Variants in PHF6 observed in about 807,000 individuals in gnomAD.
PHF6 encodes PHD-like zinc finger protein.
A neutral mutation model predicts 34.0 loss-of-function variants in PHF6; 7 were observed. The ratio of observed to expected loss-of-function variants is 0.21; its 90% CI spans 0.12 to 0.39. PHF6 has a LOEUF of 0.39. Ranked by LOEUF, PHF6 falls within the 10% of genes least tolerant of loss-of-function variation. PHF6 has a pLI of 1.00. For synonymous variants in PHF6, 89 were observed against 88.4 expected, an observed-to-expected ratio of 1.01 and a Z score of -0.04; for missense variants, 128 against 262.8, an observed-to-expected ratio of 0.49 and a Z score of 3.55.
chrX:134,379,625 A>G (rs1047237119), intron 3 of PHF6, among the ~76,000 whole-genome samples: 8 of 108,375 alleles, frequency 7.4e-5, no homozygotes, highest in African/African-American at 2.7e-4. Flanking sequence ...TATTTTTAGT[A>G]GACACGGTGT....
chrX:134,393,425 A>G, intron 3 of PHF6, 76 bp from the exon 4 acceptor site: 2 of 1,070,428 alleles, frequency 1.9e-6, no homozygotes, highest in Non-Finnish European at 2.5e-6. Context: ...CTTGACAGAA[A>G]TTGATATGCC....
Position 134,427,469 on chromosome X carries a change from T to G in PHF6, c.*1809T>G, listed in dbSNP as rs1406182222. On this transcript the variant is annotated 3_prime_UTR_variant, in exon 11 of 11. Coordinates refer to ENST00000370803, the MANE Select transcript of PHF6 (RefSeq NM_001015877.2). ...CCATGGGACAACAGAGCTCCTTCATTTTTGGACAACTACTGTAATCATTTT... is the reference window on the plus strand; with the variant it reads ...CCATGGGACAACAGAGCTCCTTCATGTTTGGACAACTACTGTAATCATTTT... 6.3e-6 allele frequency: 1 copy of G among 159,078 alleles called. No homozygotes were observed. Among genetic ancestry groups the G allele is most frequent in the Non-Finnish European group, 1.2e-5 (1 of 82,002 alleles). 13.1% of individuals were successfully genotyped at this position (159,078 alleles called of 1,213,427 possible).
intron 5 of PHF6, among the ~76,000 whole-genome samples, chrX:134,394,278 C>T (rs1569338604): frequency 9.1e-6 from 1 of 109,544 alleles, no homozygotes. Context: ...GGATTACAGA[C>T]GTGCACTGCA....
chrX:134,379,432 C>CTTTTTTTTTTTT (rs34099570), intron 3 of PHF6, among the ~76,000 whole-genome samples: 3 of 26,274 alleles, frequency 1.1e-4, no homozygotes, highest in African/African-American at 2.0e-4. Flanking sequence ...CTTTTCTTTT[C>CTTTTTTTTTTTT]TTTTTTTTTT....
At position 134,378,076 on chromosome X, in the gene PHF6, C is replaced by A. The variant is rs1328440396; in HGVS notation, c.210C>A (p.Val70=). 8.3e-7 allele frequency: 1 copy of A among 1,200,010 alleles called. No individual in the cohort carries two copies. The highest frequency in any genetic ancestry group is 1.1e-6 in the Non-Finnish European group (1 of 887,796). Residue 70 remains valine, a synonymous_variant, in exon 3 of 11, where the codon GTC becomes GTA. Coordinates refer to ENST00000370803, the MANE Select transcript of PHF6 (RefSeq NM_001015877.2). ...ESLGGFSIED[V]QKEIKRGTKL... Reference sequence around the variant, plus strand: ...TTGGTGGATTTTCTATTGAAGATGTCCAAAAGGAAATTAAAAGAGGCACGA... The same window carrying A: ...TTGGTGGATTTTCTATTGAAGATGTACAAAAGGAAATTAAAAGAGGCACGA...
chrX:134,406,870 C>T (rs1375182239), intron 5 of PHF6, among the ~76,000 whole-genome samples: 2 of 112,075 alleles, frequency 1.8e-5, no homozygotes, highest in South Asian at 3.7e-4. Flanking sequence ...TCCTGTCACC[C>T]GTGCCCTTGT....
At position 134,380,028 on chromosome X, in the gene PHF6, G is replaced by A. The variant is rs186590330; in HGVS notation, c.240+1922G>A. Among the ~76,000 whole-genome samples the A allele has an allele frequency of 2.7e-5, 3 of 111,637 alleles. No individual in the cohort carries two copies. In the East Asian group the frequency reaches 8.4e-4, roughly 31 times the overall value. ...AGCTTGTATAGTCAGAACAAAAGCAGTTTTGGTCCCTAATGTTGAAACATT... is the reference window on the plus strand; with the variant it reads ...AGCTTGTATAGTCAGAACAAAAGCAATTTTGGTCCCTAATGTTGAAACATT... On this transcript the variant is annotated intron_variant, in intron 3 of 10. Transcript: ENST00000370803.
At chrX:134,388,949 ACT>A (rs1218159584) in intron 3 of PHF6, among the ~76,000 whole-genome samples, 2 of 110,448 alleles carry the variant, frequency 1.8e-5, no homozygotes, top group Non-Finnish European at 3.8e-5. Context: ...GCTCCTTGAG[ACT>A]CTGCTTATGT....
chrX:134,414,967 C>T (rs1222459663), intron 7 of PHF6, 49 bp from the exon 8 acceptor site: 10 of 986,168 alleles, frequency 1.0e-5, no homozygotes, highest in Non-Finnish European at 1.4e-5. Context: ...TTTAATGTTT[C>T]TCTCATAAGG....
intron 9 of PHF6, chrX:134,418,879 G>A (rs1465007970): frequency 1.0e-5 from 1 of 98,251 alleles, no homozygotes; most frequent in Non-Finnish European, 2.0e-5. Flanking sequence ...ATCTGACTCT[G>A]TTGTCCAGGC....
chrX:134,405,354 A>C (rs1178398039), intron 5 of PHF6, among the ~76,000 whole-genome samples: 1 of 111,076 alleles, frequency 9.0e-6, no homozygotes, highest in Non-Finnish European at 1.9e-5. Context: ...GCCTGCCACC[A>C]CGCCCAGATA....
rs1309705573 is a variant in PHF6, at chrX:134,427,804, G to A, written c.*2144G>A. On this transcript the variant is annotated 3_prime_UTR_variant, in exon 11 of 11. Transcript: ENST00000370803. Reference sequence around the variant, plus strand: ...TCATGTTTGGTTGTAAACCTCCAATGTTTTGATTCTCTAATCATGTTTTCG... The same window carrying A: ...TCATGTTTGGTTGTAAACCTCCAATATTTTGATTCTCTAATCATGTTTTCG... The A allele has an allele frequency of 1.9e-5, 3 of 158,511 alleles. No individual in the cohort carries two copies. The highest frequency in any genetic ancestry group is 8.3e-5 in the Admixed American group (1 of 11,988). The allele number at this position is 158,511 out of a possible 1,213,427, so 13.1% of individuals were successfully genotyped here. A position where few individuals can be genotyped will look rare whatever the true frequency, so the allele number is the denominator to read the frequency against.
At chrX:134,404,167 A>G (rs1385243673) in intron 5 of PHF6, among the ~76,000 whole-genome samples, 2 of 112,494 alleles carry the variant, frequency 1.8e-5, no homozygotes, top group Admixed American at 1.9e-4. Context: ...ACCTTCTGGA[A>G]CGGATTCATA....
At chrX:134,420,661 C>T (rs7054188) in intron 9 of PHF6, among the ~76,000 whole-genome samples, 16,192 of 110,297 alleles carry the variant, frequency 0.15, 1,117 homozygotes, top group East Asian at 0.43. Flanking sequence ...GGCATGATCA[C>T]GGCTCACTGC....
chrX:134,410,679 G>T (rs2077446398), intron 5 of PHF6, among the ~76,000 whole-genome samples: 1 of 106,323 alleles, frequency 9.4e-6, no homozygotes, highest in Non-Finnish European at 1.9e-5. Flanking sequence ...ACAGAGTCTT[G>T]CTCTGTCACC....
At position 134,394,427 on chromosome X, in the gene PHF6, C is replaced by T. The variant is rs189212059; in HGVS notation, c.418+475C>T. 1.3e-4 allele frequency among the ~76,000 whole-genome samples: 14 copies of T among 110,686 alleles called. No homozygotes were observed. In the East Asian group the frequency reaches 3.7e-3, roughly 29 times the overall value. The stretch of plus-strand genomic sequence containing the variant: ...GATTACAGGCGTGAGCCATCGTGCC[C>T]GACCAAGATCTGAACTTTTAAGAAA... On this transcript the variant is annotated intron_variant, in intron 5 of 10. Transcript: ENST00000370803.
chrX:134,412,679 A>G (rs1344244210), intron 5 of PHF6, among the ~76,000 whole-genome samples: 1 of 112,062 alleles, frequency 8.9e-6, no homozygotes, highest in Non-Finnish European at 1.9e-5. Context: ...TATTTATAGT[A>G]AACTACTGAT....
At chrX:134,410,768 C>T (rs1018723841) in intron 5 of PHF6, among the ~76,000 whole-genome samples, 13 of 107,274 alleles carry the variant, frequency 1.2e-4, no homozygotes, top group Non-Finnish European at 1.7e-4. Context: ...CTGCCTCAGC[C>T]TCCCTAGTAG....
chrX:134,400,365 G>A (rs188472769), intron 5 of PHF6, among the ~76,000 whole-genome samples: 118 of 103,813 alleles, frequency 1.1e-3, no homozygotes, highest in African/African-American at 4.0e-3. Flanking sequence ...GATTACAAGC[G>A]TTGAGCCACC....
Sources: gnomAD v4.1 joint callset for allele counts (sites outside exome capture counted in the v4.1 genomes callset) on GRCh38, gnomAD v4.1.1 for gene constraint, MANE v1.5 for transcripts, NCBI Gene and HGNC (gene_info 2026-07-23, HGNC 2026-07-21) for gene names.